MTMR3: variants seen among roughly 807,000 people sequenced by gnomAD.
MTMR3 encodes myotubularin related protein 3.
MTMR3 carries 32 observed loss-of-function variants against 132.4 expected under a neutral mutation model. The ratio of observed to expected loss-of-function variants is 0.24; its 90% confidence interval spans 0.18 to 0.32. MTMR3 has a LOEUF of 0.32. Ranked by LOEUF, MTMR3 falls within the 10% of genes least tolerant of loss-of-function variation. MTMR3 has a pLI of 1.00. For synonymous variants in MTMR3, 556 were observed against 550.3 expected (o/e 1.01, Z -0.14); for missense variants, 1,216 against 1,489.6 (o/e 0.82, Z 3.02).
At chr22:29,930,910 G>T (rs1490949662) in intron 1 of MTMR3, among the ~76,000 whole-genome samples, 1 of 151,040 alleles carries the variant, frequency 6.6e-6, no homozygotes, top group Admixed American at 6.6e-5. Flanking sequence ...AGGAGGTAGA[G>T]TTGGGTGGAT....
At chr22:29,953,024 C>G (rs12484336) in intron 1 of MTMR3, among the ~76,000 whole-genome samples, 24,839 of 152,064 alleles carry the variant, frequency 0.16, 2,151 homozygotes, top group South Asian at 0.24. Flanking sequence ...AAAATACTGC[C>G]TCTACACTCA....
intron 4 of MTMR3, 35 bp from the exon 5 acceptor site, chr22:29,978,895 TAACTGC>T: frequency 7.1e-7 from 1 of 1,398,688 alleles, no homozygotes; most frequent in Admixed American, 2.0e-5. Context: ...TTTTTTTTTT[TAACTGC>T]TTCAGAACTC....
intron 1 of MTMR3, among the ~76,000 whole-genome samples, chr22:29,940,588 G>A (rs1398371623): frequency 6.7e-6 from 1 of 149,282 alleles, no homozygotes; most frequent in Non-Finnish European, 1.5e-5. Context: ...TTTTCCTCCT[G>A]AATAGGAAAA....
At chr22:29,928,227 C>T (rs558279632) in intron 1 of MTMR3, among the ~76,000 whole-genome samples, 115 of 142,272 alleles carry the variant, frequency 8.1e-4, no homozygotes, top group African/African-American at 2.2e-3. Flanking sequence ...GGCTGGAGTA[C>T]GATGGCATGA....
chr22:29,918,289 A>C (rs1298295249), intron 1 of MTMR3, among the ~76,000 whole-genome samples: 1 of 152,208 alleles, frequency 6.6e-6, no homozygotes, highest in Non-Finnish European at 1.5e-5. Context: ...CCTGAATAGC[A>C]CTTTTCTTCT....
intron 1 of MTMR3, among the ~76,000 whole-genome samples, chr22:29,949,150 C>CTGTCTTAAAACACACACACACACACA: frequency 2.2e-5 from 1 of 46,320 alleles, no homozygotes; most frequent in African/African-American, 8.4e-5. Flanking sequence ...CACACCCCCC[C>CTGTCTTAAAACACACACACACACACA]CCCCCCCCCC....
intron 1 of MTMR3, among the ~76,000 whole-genome samples, chr22:29,943,995 T>C (rs1026992005): frequency 6.6e-6 from 1 of 151,856 alleles, no homozygotes; most frequent in Non-Finnish European, 1.5e-5. Context: ...GGCTAATTTT[T>C]TTTTGTAGAG....
At chr22:29,991,094 TA>T (rs1165480035) in intron 6 of MTMR3, 2 of 153,174 alleles carry the variant, frequency 1.3e-5, no homozygotes, top group African/African-American at 4.8e-5. Context: ...TGTTTTTTTT[TA>T]AACTTGATCT....
intron 1 of MTMR3, among the ~76,000 whole-genome samples, chr22:29,941,569 C>G (rs1016683636): frequency 2.6e-5 from 4 of 151,774 alleles, no homozygotes; most frequent in African/African-American, 9.7e-5. Flanking sequence ...AACATTTGCT[C>G]TTGCCAGTTT....
At chr22:29,935,770 T>C (rs1203135001) in intron 1 of MTMR3, among the ~76,000 whole-genome samples, 1 of 95,642 alleles carries the variant, frequency 1.0e-5, no homozygotes, top group Non-Finnish European at 2.1e-5. Flanking sequence ...TGAGACGGAG[T>C]CATGCTGTGT....
intron 1 of MTMR3, among the ~76,000 whole-genome samples, chr22:29,907,874 GA>G (rs936523998): frequency 6.6e-6 from 1 of 152,054 alleles, no homozygotes; most frequent in African/African-American, 2.4e-5. Context: ...ATGGTTTCAT[GA>G]TAAAGCCAAC....
chr22:29,918,802 G>T (rs544034843), intron 1 of MTMR3, among the ~76,000 whole-genome samples: 1 of 152,254 alleles, frequency 6.6e-6, no homozygotes, highest in South Asian at 2.1e-4. Flanking sequence ...AATGAAATAC[G>T]TTACTACTGG....
At chr22:29,960,918 G>A (rs1336143477) in intron 2 of MTMR3, among the ~76,000 whole-genome samples, 1 of 151,982 alleles carries the variant, frequency 6.6e-6, no homozygotes, top group Admixed American at 6.6e-5. Context: ...TATCCTAATT[G>A]CAAATGTTTT....
intron 2 of MTMR3, among the ~76,000 whole-genome samples, chr22:29,959,455 T>C (rs1434344286): frequency 1.3e-5 from 2 of 152,184 alleles, no homozygotes; most frequent in Admixed American, 6.5e-5. Flanking sequence ...CTCAGCTCAC[T>C]GCAGCCTCCA....
At chr22:30,023,303 C>G in intron 19 of MTMR3, 2 of 731,442 alleles carry the variant, frequency 2.7e-6, no homozygotes, top group East Asian at 5.0e-5. Context: ...CTGAATCATG[C>G]CATAGCTCAC....
intron 1 of MTMR3, among the ~76,000 whole-genome samples, chr22:29,929,135 G>A (rs1459463703): frequency 6.6e-6 from 1 of 151,964 alleles, no homozygotes; most frequent in Admixed American, 6.5e-5. Flanking sequence ...ACAAAAATTA[G>A]CTGGGCGGGG....
chr22:29,984,809 G>A (rs935506346), intron 5 of MTMR3: 3 of 152,222 alleles, frequency 2.0e-5, no homozygotes, highest in African/African-American at 7.2e-5. Flanking sequence ...AAGATCCCTG[G>A]TGGAGAAGCT....
intron 5 of MTMR3, chr22:29,980,235 C>T (rs2066713796): frequency 6.6e-6 from 1 of 151,814 alleles, no homozygotes; most frequent in African/African-American, 2.4e-5. Context: ...TGGTAGTTGA[C>T]ATTTTTTACT....
Position 30,029,853 on chromosome 22 carries a change from A to G in MTMR3, c.*4052A>G, listed in dbSNP as rs1453060600. ...TCCCAGCTGTTTAATTTCTAGTCACATTTTCCAGAAAGTTGTTCTAAGTTG... is the reference window on the plus strand; with the variant it reads ...TCCCAGCTGTTTAATTTCTAGTCACGTTTTCCAGAAAGTTGTTCTAAGTTG... On this transcript the variant is annotated 3_prime_UTR_variant, in exon 20 of 20. Coordinates refer to ENST00000401950, the MANE Select transcript of MTMR3 (RefSeq NM_021090.4). 6.6e-6 allele frequency: 1 copy of G among 152,346 alleles called. No homozygotes were observed. The highest frequency in any genetic ancestry group is 1.5e-5 in the Non-Finnish European group (1 of 68,040). 9.4% of individuals were successfully genotyped at this position (152,346 alleles called of 1,614,324 possible). A position where few individuals can be genotyped will look rare whatever the true frequency, so the allele number is the denominator to read the frequency against.
Sources: allele counts gnomAD v4.1 joint callset (sites outside exome capture counted in the v4.1 genomes callset), GRCh38; gene constraint gnomAD v4.1.1; transcripts MANE v1.5; gene names NCBI Gene and HGNC (gene_info 2026-07-23, HGNC 2026-07-21).